MYO5C: variants seen among roughly 807,000 people sequenced by gnomAD.
MYO5C encodes the protein unconventional myosin-Vc.
In MYO5C, 194 loss-of-function variants were observed where a neutral mutation model predicts 235.7. The observed-to-expected ratio is 0.82, with a 90% CI of 0.73 to 0.93. The LOEUF is 0.93. Ranked by LOEUF, MYO5C falls within the 40% of genes least tolerant of loss-of-function variation. The pLI is 0.00. For missense variants in MYO5C, 2,038 were observed against 2,127.2 expected, an observed-to-expected ratio of 0.96 and a Z score of 0.82; for synonymous variants, 707 against 754.8, an observed-to-expected ratio of 0.94 and a Z score of 1.04.
intron 11 of MYO5C, among the ~76,000 whole-genome samples, chr15:52,254,535 G>C (rs1415522721): frequency 1.3e-5 from 2 of 152,134 alleles, no homozygotes; most frequent in African/African-American, 2.4e-5. Flanking sequence ...AGCCAGAAGA[G>C]GGGGACTGGA....
chr15:52,268,001 C>T lies in MYO5C; in HGVS notation c.940+1752G>A, dbSNP rs576291630. Among the ~76,000 whole-genome samples, 7 of 152,222 alleles carry T rather than the reference C, an allele frequency of 4.6e-5. No homozygotes were observed. In the South Asian group the frequency reaches 6.2e-4, roughly 14 times the overall value. ...ATTTTCAGCAAATGTAAGTCAGTGC[C>T]GAAAGTGTTTATCTTATTATTATAA... On this transcript the variant is annotated intron_variant, in intron 8 of 40. Transcript: ENST00000261839.
At chr15:52,213,405 G>C (rs1596145497) in intron 33 of MYO5C, 119 bp from the exon 34 acceptor site, 2 of 693,080 alleles carry the variant, frequency 2.9e-6, no homozygotes, top group African/African-American at 3.6e-5. Flanking sequence ...GTGGCTTTCA[G>C]ATACATTAAA....
chr15:52,290,127 C>A (rs180741537), intron 1 of MYO5C, among the ~76,000 whole-genome samples: 2 of 152,188 alleles, frequency 1.3e-5, no homozygotes, highest in East Asian at 3.9e-4. Flanking sequence ...TCCCATCTCC[C>A]CCACTGGCAT....
chr15:52,279,050 T>C (rs1344159372), intron 3 of MYO5C, 33 bp from the exon 4 acceptor site: 1 of 1,571,658 alleles, frequency 6.4e-7, no homozygotes. Flanking sequence ...GTTAAAATAC[T>C]CTTACTGCCA....
Position 52,192,853 on chromosome 15 carries a change from G to A in MYO5C, c.*1049C>T, listed in dbSNP as rs1309710184. 2 of 109,922 alleles carry A rather than the reference G, an allele frequency of 1.8e-5. No homozygotes were observed. Among genetic ancestry groups the A allele is most frequent in the Non-Finnish European group, 5.0e-5 (2 of 40,334 alleles). 6.8% of individuals were successfully genotyped at this position (109,922 alleles called of 1,614,324 possible). ...TTTTAAAAAAGTTATTGTATGAAAG[G>A]TATTAAAAAATAAAAAAATTATGGT... On this transcript the variant is annotated 3_prime_UTR_variant, in exon 41 of 41. Coordinates refer to ENST00000261839, the MANE Select transcript of MYO5C (RefSeq NM_018728.4).
chr15:52,206,657 C>G (rs2035321670), intron 36 of MYO5C, among the ~76,000 whole-genome samples: 1 of 152,134 alleles, frequency 6.6e-6, no homozygotes. Flanking sequence ...GGAAGAGAGC[C>G]CTCACCAGGA....
chr15:52,222,311 T>A (rs946537395), intron 29 of MYO5C, among the ~76,000 whole-genome samples: 5 of 152,106 alleles, frequency 3.3e-5, no homozygotes, highest in African/African-American at 7.2e-5. Context: ...AACAAAGATG[T>A]AAAGGTCCCC....
chr15:52,243,784 A>G (rs934099480), intron 19 of MYO5C, among the ~76,000 whole-genome samples: 1 of 151,950 alleles, frequency 6.6e-6, no homozygotes, highest in East Asian at 1.9e-4. Flanking sequence ...GGTTGTGTGG[A>G]CTCTCAGGAC....
chr15:52,286,677 C>T (rs1410527593), intron 1 of MYO5C, among the ~76,000 whole-genome samples: 7 of 152,024 alleles, frequency 4.6e-5, no homozygotes, highest in Admixed American at 2.6e-4. Context: ...GTGCTGTGTC[C>T]ACTCAGGGTT....
At chr15:52,253,930 A>C (rs1291248829) in intron 11 of MYO5C, among the ~76,000 whole-genome samples, 1 of 131,816 alleles carries the variant, frequency 7.6e-6, no homozygotes, top group African/African-American at 2.8e-5. Context: ...GGCTTCCCAG[A>C]GGATGTACTC....
At chr15:52,264,461 G>A (rs1596208970) in intron 8 of MYO5C, among the ~76,000 whole-genome samples, 165 bp from the exon 9 acceptor site, 2 of 152,154 alleles carry the variant, frequency 1.3e-5, no homozygotes, top group South Asian at 4.1e-4. Context: ...CCTTCTAGTC[G>A]ACCTCTGTAG....
At chr15:52,286,579 C>A (rs1301746069) in intron 1 of MYO5C, among the ~76,000 whole-genome samples, 2 of 152,108 alleles carry the variant, frequency 1.3e-5, no homozygotes, top group African/African-American at 4.8e-5. Flanking sequence ...GGAGACTTTT[C>A]ATTTTGTGCT....
At chr15:52,250,928 G>A (rs1333533472) in intron 13 of MYO5C, 1 of 152,142 alleles carries the variant, frequency 6.6e-6, no homozygotes, top group African/African-American at 2.4e-5. Context: ...AGAAAAAGGA[G>A]ACGTATAAAG....
chr15:52,269,269 A>G (rs1398683333), intron 8 of MYO5C, among the ~76,000 whole-genome samples: 2 of 152,230 alleles, frequency 1.3e-5, no homozygotes, highest in Non-Finnish European at 2.9e-5. Flanking sequence ...AGCTCTTTTA[A>G]GGGAAAAGCA....
chr15:52,277,446 C>T (rs774974904), intron 4 of MYO5C, among the ~76,000 whole-genome samples: 10 of 152,082 alleles, frequency 6.6e-5, no homozygotes, highest in African/African-American at 9.7e-5. Flanking sequence ...CTTGGTGCAG[C>T]GGAAGCTGCT....
chr15:52,225,416 TAA>T, intron 26 of MYO5C, 21 bp downstream of exon 26: 2 of 1,542,544 alleles, frequency 1.3e-6, no homozygotes, highest in African/African-American at 1.4e-5. Context: ...ACCCATGGAC[TAA>T]GAGACTCATA....
At chr15:52,273,046 C>T (rs2036960387) in intron 5 of MYO5C, among the ~76,000 whole-genome samples, 1 of 152,226 alleles carries the variant, frequency 6.6e-6, no homozygotes, top group African/African-American at 2.4e-5. Context: ...TGGCTAGGTG[C>T]AGCGGCTCAC....
In MYO5C at chr15:52,260,986, C is replaced by A. The variant is rs374189950; in HGVS notation, c.1189G>T (p.Ala397Ser). Residue 397 changes from alanine (A) to serine (S), a missense_variant, in exon 10 of 41, where the codon GCC (alanine) becomes TCC (serine). Transcript: ENST00000261839. ...ATCTTTTTGGCCAGTGCATCCCTGG[C>A]GTTGACAGCCTGAGGCCTGGTCATG... ...KPMTRPQAVN[A>S]RDALAKKIYA... 3.5e-5 allele frequency: 57 copies of A among 1,614,222 alleles called. No individual in the cohort carries two copies. The African/African-American group carries it at 7.1e-4, about 20-fold the overall frequency.
intron 8 of MYO5C, among the ~76,000 whole-genome samples, chr15:52,267,838 G>T (rs2036843856): frequency 6.6e-6 from 1 of 152,120 alleles, no homozygotes; most frequent in Admixed American, 6.5e-5. Flanking sequence ...GAGAGTAGAA[G>T]GATCAGGGAG....
Sources: gnomAD v4.1 joint callset for allele counts (sites outside exome capture counted in the v4.1 genomes callset) on GRCh38, gnomAD v4.1.1 for gene constraint, MANE v1.5 for transcripts, NCBI Gene and HGNC (gene_info 2026-07-23, HGNC 2026-07-21) for gene names.